RASGRF2: variants seen among roughly 807,000 people sequenced by gnomAD.
RASGRF2 encodes Ras protein specific guanine nucleotide releasing factor 2, also known as ras-specific guanine nucleotide-releasing factor 2.
Under a neutral mutation model 151.0 loss-of-function variants are expected in RASGRF2, and 76 were observed. That is an observed-to-expected ratio of 0.50 (90% CI 0.42 to 0.61). The LOEUF (loss-of-function observed/expected upper bound fraction) is 0.61. Ranked by LOEUF, RASGRF2 falls within the 20% of genes least tolerant of loss-of-function variation. RASGRF2 has a pLI of 0.00. For missense variants in RASGRF2, 1,148 were observed against 1,564.6 expected, an observed-to-expected ratio of 0.73 and a Z score of 4.49; for synonymous variants, 504 against 566.5, an observed-to-expected ratio of 0.89 and a Z score of 1.57.
intron 1 of RASGRF2, among the ~76,000 whole-genome samples, chr5:80,979,034 A>T (rs554536404): frequency 1.8e-4 from 27 of 152,336 alleles, no homozygotes; most frequent in African/African-American, 6.3e-4. Flanking sequence ...GTGATTCTGT[A>T]GTGAACATCA....
chr5:81,120,876 C>G (rs1244257957), intron 15 of RASGRF2, among the ~76,000 whole-genome samples: 1 of 152,162 alleles, frequency 6.6e-6, no homozygotes, highest in Non-Finnish European at 1.5e-5. Context: ...TCCTGTGGAT[C>G]CCTGCGAAGG....
At chr5:81,142,320 G>A (rs1386999203) in intron 17 of RASGRF2, among the ~76,000 whole-genome samples, 3 of 152,184 alleles carry the variant, frequency 2.0e-5, no homozygotes, top group Non-Finnish European at 4.4e-5. Context: ...TGTGCTGCAC[G>A]TGTGAATGGT....
At chr5:81,204,834 T>C (rs1755470604) in intron 19 of RASGRF2, among the ~76,000 whole-genome samples, 1 of 150,528 alleles carries the variant, frequency 6.6e-6, no homozygotes, top group Non-Finnish European at 1.5e-5. Flanking sequence ...AGAGTGCCTC[T>C]TGGAAAATGA....
At chr5:81,058,409 G>C (rs1342014261) in intron 2 of RASGRF2, among the ~76,000 whole-genome samples, 4 of 152,152 alleles carry the variant, frequency 2.6e-5, no homozygotes, top group African/African-American at 9.7e-5. Context: ...GTGAAGGGAA[G>C]CCCTGCATGT....
At chr5:81,161,427 G>A (rs182106734) in intron 17 of RASGRF2, among the ~76,000 whole-genome samples, 19 of 152,330 alleles carry the variant, frequency 1.2e-4, no homozygotes, top group Admixed American at 4.6e-4. Context: ...TCACTCATTG[G>A]AGAGCATTTC....
At chr5:80,990,347 G>A (rs181824809) in intron 1 of RASGRF2, among the ~76,000 whole-genome samples, 3 of 151,794 alleles carry the variant, frequency 2.0e-5, no homozygotes, top group East Asian at 1.9e-4. Flanking sequence ...AGCTTCCCTC[G>A]TGCCCAATTT....
chr5:80,984,208 C>G (rs949259543), intron 1 of RASGRF2, among the ~76,000 whole-genome samples: 25 of 152,254 alleles, frequency 1.6e-4, no homozygotes, highest in African/African-American at 5.5e-4. Context: ...TTACAGGCAC[C>G]ACACCAGGCT....
chr5:81,188,259 G>C (rs535241355), intron 18 of RASGRF2, among the ~76,000 whole-genome samples: 1 of 152,262 alleles, frequency 6.6e-6, no homozygotes, highest in Admixed American at 6.5e-5. Context: ...CAGCATATGG[G>C]GGCCTGACCT....
rs11957258 is a variant in RASGRF2, at chr5:81,208,463, G to A, written c.3156+25G>A. ...CGTGAGTAACCGTAACAGTAAAACC[G>A]TGGGCGTGTCACAAGAAGATGGATA... On this transcript the variant is annotated intron_variant, in intron 22 of 26. Coordinates refer to ENST00000265080, the MANE Select transcript of RASGRF2 (RefSeq NM_006909.3). 5.5e-5 allele frequency: 88 copies of A among 1,586,866 alleles called. 1 individual carries two copies. In the Middle Eastern group the frequency reaches 1.3e-3, roughly 24 times the overall value.
intron 13 of RASGRF2, among the ~76,000 whole-genome samples, chr5:81,111,642 A>C (rs190824958): frequency 1.7e-3 from 263 of 152,214 alleles, no homozygotes; most frequent in Middle Eastern, 0.01. Context: ...TGAATTAGGC[A>C]CTCAAATCAG....
At chr5:81,002,562 A>T (rs1749113598) in intron 1 of RASGRF2, among the ~76,000 whole-genome samples, 1 of 152,244 alleles carries the variant, frequency 6.6e-6, no homozygotes. Context: ...GCCTTTAATT[A>T]CTACTGGGTA....
At chr5:81,139,252 A>G (rs248985) in intron 17 of RASGRF2, among the ~76,000 whole-genome samples, 87,785 of 151,996 alleles carry the variant, frequency 0.58, 27,624 homozygotes, top group East Asian at 0.81. Context: ...GTTTTCTACA[A>G]CTTTGCTAAA....
Position 81,010,280 on chromosome 5 carries a change from C to T in RASGRF2, c.289-32597C>T, listed in dbSNP as rs183159628. ...TCTAATTTTGCCTCTCTGTATTTTC[C>T]GTATTTATATATGTGTATTATTTTC... On this transcript the variant is annotated intron_variant, in intron 1 of 26. Coordinates refer to ENST00000265080, the MANE Select transcript of RASGRF2 (RefSeq NM_006909.3). Among the ~76,000 whole-genome samples, 24 of 151,890 alleles carry T rather than the reference C, an allele frequency of 1.6e-4. No individual in the cohort carries two copies. In the East Asian group the frequency reaches 1.7e-3, roughly 11 times the overall value.
chr5:81,183,439 T>A, intron 18 of RASGRF2: 1 of 366,766 alleles, frequency 2.7e-6, no homozygotes, highest in Middle Eastern at 1.4e-3. Flanking sequence ...TGTCACCTCC[T>A]AACTCTACCC....
intron 1 of RASGRF2, among the ~76,000 whole-genome samples, chr5:81,027,611 T>A (rs2112352598): frequency 6.6e-6 from 1 of 152,246 alleles, no homozygotes; most frequent in East Asian, 1.9e-4. Flanking sequence ...TCCTTATAAC[T>A]CCCATCTGCC....
At chr5:81,181,213 C>G (rs1367848784) in intron 18 of RASGRF2, among the ~76,000 whole-genome samples, 1 of 152,180 alleles carries the variant, frequency 6.6e-6, no homozygotes, top group Non-Finnish European at 1.5e-5. Flanking sequence ...GTTTCTGCCA[C>G]TATATTCACA....
chr5:81,025,739 T>C (rs191542395), intron 1 of RASGRF2, among the ~76,000 whole-genome samples: 2 of 152,308 alleles, frequency 1.3e-5, no homozygotes, highest in African/African-American at 2.4e-5. Context: ...TTGCCCGTTA[T>C]ATATAGTATG....
rs371806451 is a variant in RASGRF2, at chr5:81,053,870, C to T, written c.395+10887C>T. ...GTGGTTTTGATTTGCATTTCTCTGACGGCCAGTGATGGTGAGCATTTTTTC... is the reference window on the plus strand; with the variant it reads ...GTGGTTTTGATTTGCATTTCTCTGATGGCCAGTGATGGTGAGCATTTTTTC... On this transcript the variant is annotated intron_variant, in intron 2 of 26. Transcript: ENST00000265080. 7.7e-3 allele frequency among the ~76,000 whole-genome samples: 1,179 copies of T among 152,272 alleles called. 7 individuals carry two copies. Among genetic ancestry groups the T allele is most frequent in the South Asian group, 0.017 (83 of 4,822 alleles).
intron 22 of RASGRF2, 95 bp from the exon 23 acceptor site, chr5:81,212,271 C>A: frequency 1.2e-6 from 1 of 818,732 alleles, no homozygotes; most frequent in Non-Finnish European, 1.9e-6. Context: ...CAACACCCTG[C>A]CTTCCTGACA....
Sources: gnomAD v4.1 joint callset for allele counts (sites outside exome capture counted in the v4.1 genomes callset) on GRCh38, gnomAD v4.1.1 for gene constraint, MANE v1.5 for transcripts, NCBI Gene and HGNC (gene_info 2026-07-23, HGNC 2026-07-21) for gene names.